XRCC4: variants seen among roughly 807,000 people sequenced by gnomAD.
XRCC4 encodes X-ray repair cross complementing 4.
A neutral mutation model predicts 39.1 loss-of-function variants in XRCC4; 28 were observed. That is an observed-to-expected ratio of 0.72 (90% CI 0.53 to 0.98). The LOEUF (loss-of-function observed/expected upper bound fraction) is 0.98. XRCC4 is among the 50% of genes least tolerant of loss of function. XRCC4 has a pLI of 0.00. For missense variants in XRCC4, 350 were observed against 376.4 expected (o/e 0.93, Z 0.58); for synonymous variants, 123 against 126.4 (o/e 0.97, Z 0.18).
At chr5:83,118,117 A>T (rs578037960) in intron 3 of XRCC4, among the ~76,000 whole-genome samples, 106 of 152,150 alleles carry the variant, frequency 7.0e-4, no homozygotes, top group Admixed American at 1.0e-3. Context: ...AGAATTTGCT[A>T]CAAGTCTCTA....
chr5:83,111,301 C>T, intron 3 of XRCC4, 98 bp downstream of exon 3: 1 of 984,124 alleles, frequency 1.0e-6, no homozygotes. Context: ...ATTCCCAGAA[C>T]ACCTCAGAAG....
At chr5:83,160,394 T>C (rs1429397937) in intron 3 of XRCC4, among the ~76,000 whole-genome samples, 2 of 152,192 alleles carry the variant, frequency 1.3e-5, no homozygotes, top group African/African-American at 4.8e-5. Context: ...TATAATTTTG[T>C]ATGTGCAGTA....
At chr5:83,175,098 A>G (rs979835129) in intron 3 of XRCC4, among the ~76,000 whole-genome samples, 8 of 152,196 alleles carry the variant, frequency 5.3e-5, no homozygotes, top group East Asian at 1.9e-4. Flanking sequence ...TACACCTCAT[A>G]TATTCCTTAT....
intron 3 of XRCC4, among the ~76,000 whole-genome samples, chr5:83,163,812 GTCA>G (rs977997380): frequency 1.8e-4 from 28 of 152,148 alleles, no homozygotes; most frequent in Admixed American, 1.3e-4. Context: ...TGGAGAAATG[GTCA>G]TCAAGTAAGA....
At position 83,325,681 on chromosome 5, in the gene XRCC4, G is replaced by A. The variant is rs565656117; in HGVS notation, c.894-27450G>A. ...CTGCATAGTATTCCATGGTGTATAT[G>A]TACATATTTTCTTTTTCCAGTCTAT... is the stretch of plus-strand genomic sequence containing the variant. On this transcript the variant is annotated intron_variant, in intron 7 of 7. Coordinates refer to ENST00000396027, the MANE Select transcript of XRCC4 (RefSeq NM_003401.5). Among the ~76,000 whole-genome samples, 3 of 152,164 alleles carry A rather than the reference G, an allele frequency of 2.0e-5. No individual in the cohort carries two copies. The East Asian group carries it at 5.8e-4, about 29-fold the overall frequency.
At chr5:83,219,070 C>T (rs1386044606) in intron 6 of XRCC4, among the ~76,000 whole-genome samples, 1 of 151,924 alleles carries the variant, frequency 6.6e-6, no homozygotes, top group East Asian at 1.9e-4. Flanking sequence ...ATTAACCAGG[C>T]CTCTCTCCTT....
chr5:83,354,849 C>T (rs1580544490), downstream of XRCC4, among the ~76,000 whole-genome samples: 1 of 152,166 alleles, frequency 6.6e-6, no homozygotes, highest in African/African-American at 2.4e-5. Context: ...CTCTCTACTG[C>T]AGCTGCTGCA....
intron 6 of XRCC4, among the ~76,000 whole-genome samples, chr5:83,235,593 C>T (rs1752660104): frequency 6.6e-6 from 1 of 151,922 alleles, no homozygotes; most frequent in South Asian, 2.1e-4. Flanking sequence ...GTATGACAAA[C>T]CCACAGCTGG....
At position 83,238,847 on chromosome 5, in the gene XRCC4, G is replaced by A. The variant is rs16900258; in HGVS notation, c.746-19683G>A. 2.8e-3 allele frequency among the ~76,000 whole-genome samples: 432 copies of A among 152,218 alleles called. 10 individuals are homozygous for A. In the East Asian group the frequency reaches 0.072, roughly 25 times the overall value. The stretch of plus-strand genomic sequence containing the variant: ...AGTTTTTAAGAAGAGATTTTTTGAA[G>A]TGTGAAGAACTAGGCTAAATAATGT... On this transcript the variant is annotated intron_variant, in intron 6 of 7. Coordinates refer to ENST00000396027, the MANE Select transcript of XRCC4 (RefSeq NM_003401.5).
intron 3 of XRCC4, among the ~76,000 whole-genome samples, chr5:83,194,053 C>T (rs1750832416): frequency 6.6e-6 from 1 of 152,178 alleles, no homozygotes; most frequent in South Asian, 2.1e-4. Flanking sequence ...GTGCCTCAGC[C>T]TCCTGAGTAG....
chr5:83,085,445 G>A (rs1745137802), intron 1 of XRCC4, among the ~76,000 whole-genome samples: 1 of 150,098 alleles, frequency 6.7e-6, no homozygotes. Flanking sequence ...TAAACGTTGG[G>A]GCACTTAAAA....
chr5:83,117,393 A>G (rs1561338208), intron 3 of XRCC4, among the ~76,000 whole-genome samples: 1 of 152,312 alleles, frequency 6.6e-6, no homozygotes, highest in East Asian at 1.9e-4. Context: ...TCATGCTAAC[A>G]ATGCATCTTA....
chr5:83,134,298 G>A (rs1333376262), intron 3 of XRCC4, among the ~76,000 whole-genome samples: 1 of 152,042 alleles, frequency 6.6e-6, no homozygotes, highest in Admixed American at 6.6e-5. Flanking sequence ...GGGACTTGGA[G>A]AACTTTTGTG....
chr5:83,365,577 A>AAACAATC, the XRCC4 span, among the ~76,000 whole-genome samples: 1 of 152,162 alleles, frequency 6.6e-6, no homozygotes, highest in South Asian at 2.1e-4. Context: ...TGAAAGCTGA[A>AAACAATC]AACAATCCCC....
intron 7 of XRCC4, among the ~76,000 whole-genome samples, chr5:83,305,950 C>T (rs994557520): frequency 1.3e-5 from 2 of 152,186 alleles, no homozygotes; most frequent in Admixed American, 1.3e-4. Flanking sequence ...TCAGGATGGT[C>T]ACCAAAGATG....
chr5:83,135,903 C>G (rs190552876), intron 3 of XRCC4, among the ~76,000 whole-genome samples: 8 of 152,042 alleles, frequency 5.3e-5, no homozygotes, highest in Non-Finnish European at 1.5e-5. Context: ...CATATGTGTT[C>G]TGTTTTTCTT....
At chr5:83,112,794 A>G (rs560486256) in intron 3 of XRCC4, among the ~76,000 whole-genome samples, 2 of 152,278 alleles carry the variant, frequency 1.3e-5, no homozygotes, top group East Asian at 1.9e-4. Flanking sequence ...CTTATTCACT[A>G]TCATGAGAAC....
intron 6 of XRCC4, among the ~76,000 whole-genome samples, chr5:83,229,050 G>C (rs1270267817): frequency 1.3e-5 from 2 of 151,352 alleles, no homozygotes; most frequent in African/African-American, 4.8e-5. Context: ...TTGAATGCGG[G>C]TTAGCATCAT....
intron 6 of XRCC4, among the ~76,000 whole-genome samples, chr5:83,223,242 T>G (rs1214508996): frequency 6.6e-6 from 1 of 152,180 alleles, no homozygotes; most frequent in Non-Finnish European, 1.5e-5. Flanking sequence ...GTTTTTGGCC[T>G]ATTTTTGAAT....
Sources: gnomAD v4.1 joint callset for allele counts (sites outside exome capture counted in the v4.1 genomes callset) on GRCh38, gnomAD v4.1.1 for gene constraint, MANE v1.5 for transcripts, NCBI Gene and HGNC (gene_info 2026-07-23, HGNC 2026-07-21) for gene names.